EFCAB5: variants seen among roughly 807,000 people sequenced by gnomAD.
The protein encoded by EFCAB5 is EF-hand calcium binding domain 5.
Under a neutral mutation model 167.9 loss-of-function variants are expected in EFCAB5, and 131 were observed. The observed-to-expected ratio is 0.78, with a 90% CI of 0.68 to 0.90. The LOEUF is 0.90. EFCAB5 is among the 40% of genes least tolerant of loss of function. EFCAB5 has a pLI of 0.00. For missense variants in EFCAB5, 1,663 were observed against 1,745.2 expected, an observed-to-expected ratio of 0.95 and a Z score of 0.84; for synonymous variants, 574 against 602.8, an observed-to-expected ratio of 0.95 and a Z score of 0.70.
intron 3 of EFCAB5, chr17:29,968,428 C>G (rs1012113958): frequency 2.2e-4 from 89 of 413,684 alleles, no homozygotes; most frequent in Non-Finnish European, 2.4e-4. Context: ...GATAATAAAA[C>G]AGAGCCTCAA....
Position 30,017,904 on chromosome 17 carries a change from G to A in EFCAB5, c.1045-16326G>A, listed in dbSNP as rs1361127396. Among the ~76,000 whole-genome samples, 4 of 152,008 alleles carry A rather than the reference G, an allele frequency of 2.6e-5. No individual in the cohort carries two copies. The East Asian group carries it at 5.8e-4, about 22-fold the overall frequency. ...TAATTCAATATTTAAATGGATCCAA[G>A]GCTCATTTCCTGTCCTTTTACAATG... is the stretch of plus-strand genomic sequence containing the variant. On this transcript the variant is annotated intron_variant, in intron 7 of 22. Transcript: ENST00000394835.
chr17:30,073,842 C>T, intron 14 of EFCAB5: 2 of 430,524 alleles, frequency 4.6e-6, no homozygotes, highest in Non-Finnish European at 8.7e-6. Flanking sequence ...AGGAAGATTG[C>T]TTGAGCCCAG....
intron 3 of EFCAB5, among the ~76,000 whole-genome samples, chr17:29,958,240 A>ATC (rs1387505911): frequency 6.6e-6 from 1 of 151,908 alleles, no homozygotes; most frequent in Non-Finnish European, 1.5e-5. Flanking sequence ...TTCTACCCAA[A>ATC]TCTCTCTCTC....
chr17:29,997,914 T>G (rs1295485931), intron 6 of EFCAB5, among the ~76,000 whole-genome samples: 1 of 151,652 alleles, frequency 6.6e-6, no homozygotes, highest in African/African-American at 2.4e-5. Flanking sequence ...TTCAGAAAGA[T>G]TTCCCTATAT....
chr17:30,041,102 G>A lies in EFCAB5; in HGVS notation c.1200+6717G>A, dbSNP rs2069757635. ...ATATGTCGGCTTTTCCTTTGTTTAGGTGTTCTCTTGCCATTGTTCCATCTG... is the reference window on the plus strand; with the variant it reads ...ATATGTCGGCTTTTCCTTTGTTTAGATGTTCTCTTGCCATTGTTCCATCTG... On this transcript the variant is annotated intron_variant, in intron 8 of 22. Transcript: ENST00000394835. Among the ~76,000 whole-genome samples, 4 of 152,258 alleles carry A rather than the reference G, an allele frequency of 2.6e-5. No individual in the cohort carries two copies. The South Asian group carries it at 8.3e-4, about 32-fold the overall frequency.
chr17:29,969,191 G>T lies in EFCAB5; in HGVS notation c.591G>T (p.Lys197Asn), dbSNP rs774962543. Reference sequence around the variant, plus strand: ...TGTTAACTCAAGTAGAAAAGAAGAAGGTTTTGACAGAAGCTGATACTCCAA... The same window carrying T: ...TGTTAACTCAAGTAGAAAAGAAGAATGTTTTGACAGAAGCTGATACTCCAA... ...ENMLTQVEKK[K>N]VLTEADTPSK... is the part of the protein sequence containing the mutation. Residue 197 changes from lysine (K) to asparagine (N), a missense_variant, in exon 4 of 23, where the codon AAG becomes AAT. Transcript: ENST00000394835. The T allele has an allele frequency of 6.2e-7, 1 of 1,613,548 alleles. No homozygotes were observed. Among genetic ancestry groups the T allele is most frequent in the Admixed American group, 1.7e-5 (1 of 59,978 alleles).
At chr17:30,055,699 A>T (rs1400080890) in intron 10 of EFCAB5, among the ~76,000 whole-genome samples, 189 bp from the exon 11 acceptor site, 2 of 152,230 alleles carry the variant, frequency 1.3e-5, no homozygotes, top group East Asian at 3.8e-4. Flanking sequence ...CTTTTGCTAT[A>T]GAGCTGCTTT....
At chr17:30,025,736 A>G (rs1177075307) in intron 7 of EFCAB5, among the ~76,000 whole-genome samples, 2 of 152,216 alleles carry the variant, frequency 1.3e-5, no homozygotes, top group Admixed American at 6.5e-5. Flanking sequence ...TTATTGTGGC[A>G]CTATTCACAA....
chr17:30,025,509 T>G (rs984500890), intron 7 of EFCAB5, among the ~76,000 whole-genome samples: 6 of 152,084 alleles, frequency 3.9e-5, no homozygotes, highest in Non-Finnish European at 7.4e-5. Context: ...CATTAAAAAG[T>G]CAAGAAACAA....
Position 29,968,849 on chromosome 17 carries a change from T to C in EFCAB5, c.249T>C (p.Thr83=). 6.4e-7 allele frequency: 1 copy of C among 1,553,318 alleles called. No individual in the cohort carries two copies. Residue 83 remains threonine, a synonymous_variant, in exon 4 of 23, where the codon ACT becomes ACC. Coordinates refer to ENST00000394835, the MANE Select transcript of EFCAB5 (RefSeq NM_198529.4). Reference sequence around the variant, plus strand: ...CTGGTTCAATAAAGGACTCTAAAACTGAAGCCTCAGGTAATATTGCAATTA... The same window carrying C: ...CTGGTTCAATAAAGGACTCTAAAACCGAAGCCTCAGGTAATATTGCAATTA... ...ISPGSIKDSK[T]EASGNIAIRK...
chr17:30,073,344 A>G, intron 14 of EFCAB5: 1 of 546,912 alleles, frequency 1.8e-6, no homozygotes, highest in Non-Finnish European at 3.2e-6. Flanking sequence ...GGCATGAGCC[A>G]CCATGCCCGA....
chr17:30,068,581 G>C, intron 14 of EFCAB5: 3 of 1,081,512 alleles, frequency 2.8e-6, no homozygotes, highest in African/African-American at 3.2e-5. Flanking sequence ...GCTGTCACCA[G>C]CTGCTGACAT....
At chr17:29,954,882 A>G (rs1288830726) in intron 3 of EFCAB5, among the ~76,000 whole-genome samples, 2 of 152,200 alleles carry the variant, frequency 1.3e-5, no homozygotes, top group African/African-American at 4.8e-5. Context: ...CTCTTACATC[A>G]GTGTGACCTG....
intron 14 of EFCAB5, chr17:30,069,179 A>G (rs1426790592): frequency 7.7e-6 from 12 of 1,548,644 alleles, no homozygotes; most frequent in African/African-American, 1.4e-5. Context: ...ACATCTTCTG[A>G]GAAAGTTTCA....
upstream of EFCAB5, among the ~76,000 whole-genome samples, chr17:29,940,202 C>T (rs1597550685): frequency 1.3e-5 from 2 of 152,010 alleles, no homozygotes; most frequent in African/African-American, 4.8e-5. Flanking sequence ...CAGCCTCCTG[C>T]GTAGCTGGGA....
Position 29,996,351 on chromosome 17 carries a change from T to C in EFCAB5, c.964T>C (p.Phe322Leu), listed in dbSNP as rs2068543509. The C allele has an allele frequency of 1.3e-6, 2 of 1,551,294 alleles. No individual in the cohort carries two copies. Among genetic ancestry groups the C allele is most frequent in the South Asian group, 2.4e-5 (2 of 83,646 alleles). ...VLQEFFQNPD[F>L]KLGSHCKQLD... Reference sequence around the variant, plus strand: ...TCAAGAATTCTTTCAAAATCCAGATTTCAAGCTTGGTAAGTCTGCCTATTA... The same window carrying C: ...TCAAGAATTCTTTCAAAATCCAGATCTCAAGCTTGGTAAGTCTGCCTATTA... Residue 322 changes from phenylalanine to leucine, a missense_variant, in exon 6 of 23, where the codon TTC becomes CTC. By Grantham distance (22) the Phe-to-Leu change is conservative. Coordinates refer to ENST00000394835, the MANE Select transcript of EFCAB5 (RefSeq NM_198529.4).
intron 3 of EFCAB5, among the ~76,000 whole-genome samples, chr17:29,963,922 G>C (rs2067772269): frequency 6.6e-6 from 1 of 152,048 alleles, no homozygotes; most frequent in Non-Finnish European, 1.5e-5. Flanking sequence ...TTGTTTAAAA[G>C]AGCCTGGTAC....
intron 3 of EFCAB5, among the ~76,000 whole-genome samples, chr17:29,946,429 C>CTT (rs58247381): frequency 0.011 from 912 of 85,364 alleles, 9 homozygotes; most frequent in African/African-American, 0.016. Flanking sequence ...ATGGAAATTT[C>CTT]TTTTTTTTTT....
intron 6 of EFCAB5, among the ~76,000 whole-genome samples, chr17:29,996,897 A>G (rs1029275943): frequency 1.3e-5 from 2 of 152,134 alleles, no homozygotes; most frequent in African/African-American, 4.8e-5. Flanking sequence ...TTCATGTTAC[A>G]TAAATTTCCC....
Sources: allele counts gnomAD v4.1 joint callset (sites outside exome capture counted in the v4.1 genomes callset), GRCh38; gene constraint gnomAD v4.1.1; transcripts MANE v1.5; gene names NCBI Gene and HGNC (gene_info 2026-07-23, HGNC 2026-07-21).